MMS22L: variants seen among roughly 807,000 people sequenced by gnomAD.
MMS22L encodes protein MMS22-like.
A neutral mutation model predicts 159.1 loss-of-function variants in MMS22L; 74 were observed. The ratio of observed to expected loss-of-function variants is 0.47; its 90% confidence interval spans 0.39 to 0.56. The LOEUF (loss-of-function observed/expected upper bound fraction) is 0.56, where lower values mean the gene tolerates loss of function less well. Among genes scored for constraint, MMS22L ranks in the 20% least tolerant of loss-of-function variants. The pLI, the probability that MMS22L is intolerant of heterozygous loss-of-function variation, is 0.00. For synonymous variants in MMS22L, 517 were observed against 506.9 expected (o/e 1.02, Z -0.27); for missense variants, 1,351 against 1,422.1 (o/e 0.95, Z 0.80).
chr6:97,251,977 G>A (rs1813284200), intron 10 of MMS22L, among the ~76,000 whole-genome samples: 2 of 152,190 alleles, frequency 1.3e-5, no homozygotes, highest in Middle Eastern at 3.4e-3. Context: ...CAACTACTCA[G>A]GAGGCAGAGG....
intron 4 of MMS22L, among the ~76,000 whole-genome samples, 180 bp downstream of exon 4, chr6:97,278,669 A>G (rs184106941): frequency 2.4e-4 from 36 of 152,306 alleles, no homozygotes; most frequent in Admixed American, 1.4e-3. Context: ...AAAATACTAT[A>G]TATCTCAGCT....
At chr6:97,151,419 A>G (rs575503948) in intron 23 of MMS22L, among the ~76,000 whole-genome samples, 7 of 152,304 alleles carry the variant, frequency 4.6e-5, no homozygotes, top group African/African-American at 1.7e-4. Flanking sequence ...TATAGCACCT[A>G]GGTTTGTATA....
intron 4 of MMS22L, among the ~76,000 whole-genome samples, chr6:97,276,662 T>G (rs886612490): frequency 2.0e-5 from 3 of 152,220 alleles, no homozygotes; most frequent in African/African-American, 7.2e-5. Context: ...CACGTCTTTG[T>G]TTATACAGTT....
At chr6:97,275,659 A>G (rs1007917216) in intron 4 of MMS22L, among the ~76,000 whole-genome samples, 2 of 152,216 alleles carry the variant, frequency 1.3e-5, no homozygotes, top group African/African-American at 4.8e-5. Context: ...GTCTAGAGAA[A>G]AAAAACACAC....
At chr6:97,228,800 T>C in intron 14 of MMS22L, 94 bp downstream of exon 14, 1 of 1,182,008 alleles carries the variant, frequency 8.5e-7, no homozygotes, top group Non-Finnish European at 1.2e-6. Context: ...TTCATGTGTA[T>C]TTGTATATAT....
chr6:97,278,437 C>T (rs773203648), intron 4 of MMS22L, among the ~76,000 whole-genome samples: 34 of 150,524 alleles, frequency 2.3e-4, no homozygotes, highest in Admixed American at 1.5e-3. Context: ...CCAACTATAC[C>T]AATCTAAACA....
Position 97,213,963 on chromosome 6 carries a change from T to A in MMS22L, c.2039+14931A>T, listed in dbSNP as rs547514539. ...AAATCTGGAAAAAGTTAAAAAAAAA[T>A]TTTCTAGTCTAAGGTTTTTCAACTA... On this transcript the variant is annotated intron_variant, in intron 14 of 24. Coordinates refer to ENST00000683635, the MANE Select transcript of MMS22L (RefSeq NM_001350599.2). Among the ~76,000 whole-genome samples, 52 of 152,214 alleles carry A rather than the reference T, an allele frequency of 3.4e-4. No homozygotes were observed. The South Asian group carries it at 6.0e-3, about 18-fold the overall frequency.
intron 7 of MMS22L, 100 bp downstream of exon 7, chr6:97,269,802 T>A: frequency 1.2e-6 from 1 of 816,352 alleles, no homozygotes; most frequent in Non-Finnish European, 1.9e-6. Context: ...ACTATTTGAT[T>A]TTTTTTTAAA....
intron 14 of MMS22L, among the ~76,000 whole-genome samples, chr6:97,190,623 A>T (rs1287898400): frequency 1.3e-5 from 2 of 152,220 alleles, no homozygotes. Flanking sequence ...CACCATGCAA[A>T]GTGTTTTATA....
chr6:97,160,146 GA>G (rs1284223627), intron 22 of MMS22L, among the ~76,000 whole-genome samples: 2 of 151,580 alleles, frequency 1.3e-5, no homozygotes, highest in East Asian at 3.9e-4. Flanking sequence ...TAATAAAGAT[GA>G]AAAAATGTGA....
intron 14 of MMS22L, among the ~76,000 whole-genome samples, chr6:97,191,923 T>A (rs1422434292): frequency 1.3e-5 from 2 of 152,196 alleles, no homozygotes; most frequent in East Asian, 3.8e-4. Flanking sequence ...TCCAATCTTG[T>A]CTTCAAAAAA....
intron 6 of MMS22L, 185 bp from the exon 7 acceptor site, chr6:97,270,177 A>G: frequency 3.1e-6 from 2 of 640,206 alleles, no homozygotes; most frequent in Non-Finnish European, 5.6e-6. Flanking sequence ...GATCTTTGAA[A>G]GCAGGAAATA....
At chr6:97,201,209 A>G (rs1807118202) in intron 14 of MMS22L, among the ~76,000 whole-genome samples, 1 of 152,184 alleles carries the variant, frequency 6.6e-6, no homozygotes, top group Admixed American at 6.6e-5. Context: ...ATAATAATGT[A>G]ATAATAAAGT....
chr6:97,259,558 T>C (rs1814217367), intron 9 of MMS22L: 1 of 152,134 alleles, frequency 6.6e-6, no homozygotes, highest in Non-Finnish European at 1.5e-5. Context: ...AATTACACCA[T>C]TGGCTTTCCT....
At chr6:97,240,016 G>C (rs1349951659) in intron 11 of MMS22L, among the ~76,000 whole-genome samples, 1 of 152,152 alleles carries the variant, frequency 6.6e-6, no homozygotes, top group Non-Finnish European at 1.5e-5. Flanking sequence ...TACAGCAAAT[G>C]GACTCTTTCA....
rs536471433 is a variant in MMS22L, at chr6:97,144,704, T to C, written c.*2102A>G. 6 of 152,012 alleles carry C rather than the reference T, an allele frequency of 3.9e-5. No individual in the cohort carries two copies. In the East Asian group the frequency reaches 9.7e-4, roughly 25 times the overall value. 9.4% of individuals were successfully genotyped at this position (152,012 alleles called of 1,614,324 possible). ...AGTCTGGGAATGAAAGAGGGCAAGA[T>C]TGTAGTAATAAGTGAAGGATCAGTG... On this transcript the variant is annotated 3_prime_UTR_variant, in exon 25 of 25. Transcript: ENST00000683635.
chr6:97,209,026 C>T (rs904937259), intron 14 of MMS22L, among the ~76,000 whole-genome samples: 5 of 152,000 alleles, frequency 3.3e-5, no homozygotes, highest in African/African-American at 1.2e-4. Flanking sequence ...GAGGCTCTCC[C>T]TACCCCTCCT....
chr6:97,250,992 A>G (rs1430422297), intron 10 of MMS22L, among the ~76,000 whole-genome samples: 2 of 152,230 alleles, frequency 1.3e-5, no homozygotes, highest in East Asian at 1.9e-4. Context: ...TCAAAATTCT[A>G]AACAGATTCC....
intron 14 of MMS22L, among the ~76,000 whole-genome samples, chr6:97,209,317 C>T (rs1582623597): frequency 2.0e-5 from 3 of 152,000 alleles, no homozygotes; most frequent in Admixed American, 6.6e-5. Context: ...CACTCAAAAG[C>T]GTTACTGAAT....
Sources: gnomAD v4.1 joint callset for allele counts (sites outside exome capture counted in the v4.1 genomes callset) on GRCh38, gnomAD v4.1.1 for gene constraint, MANE v1.5 for transcripts, NCBI Gene and HGNC (gene_info 2026-07-23, HGNC 2026-07-21) for gene names.